The following RABGAP1L variants were observed in gnomAD, a reference collection of about 807,000 sequenced individuals.
RABGAP1L encodes RAB GTPase activating protein 1 like, also known as rab GTPase-activating protein 1-like.
Under a neutral mutation model 137.7 loss-of-function variants are expected in RABGAP1L, and 63 were observed. The ratio of observed to expected loss-of-function variants is 0.46; its 90% CI spans 0.37 to 0.56. RABGAP1L has a LOEUF of 0.56. Among genes scored for constraint, RABGAP1L ranks in the 20% least tolerant of loss-of-function variants. RABGAP1L has a pLI of 0.00. For synonymous variants in RABGAP1L, 431 were observed against 433.7 expected, an observed-to-expected ratio of 0.99 and a Z score of 0.08; for missense variants, 1,095 against 1,244.0, an observed-to-expected ratio of 0.88 and a Z score of 1.80.
intron 18 of RABGAP1L, among the ~76,000 whole-genome samples, chr1:174,785,157 C>T (rs1023517052): frequency 2.0e-5 from 3 of 152,136 alleles, no homozygotes; most frequent in African/African-American, 4.8e-5. Context: ...CTCTGCCTGC[C>T]GGGTTCAAGC....
At chr1:174,380,339 A>T (rs980334709) in intron 12 of RABGAP1L, among the ~76,000 whole-genome samples, 2 of 151,892 alleles carry the variant, frequency 1.3e-5, no homozygotes, top group Non-Finnish European at 2.9e-5. Flanking sequence ...TTTTCTATTG[A>T]TTGGAATAGT....
chr1:174,898,627 GTAA>G (rs1299929623), intron 19 of RABGAP1L, among the ~76,000 whole-genome samples: 1 of 152,166 alleles, frequency 6.6e-6, no homozygotes, highest in Non-Finnish European at 1.5e-5. Flanking sequence ...GGATAATAAA[GTAA>G]TGATGCTTGC....
At chr1:174,805,177 T>C (rs550079222) in intron 18 of RABGAP1L, among the ~76,000 whole-genome samples, 1 of 152,360 alleles carries the variant, frequency 6.6e-6, no homozygotes, top group South Asian at 2.1e-4. Context: ...TATGTCGATA[T>C]CTATTATGTG....
At chr1:174,739,047 A>C (rs1460111802) in intron 17 of RABGAP1L, among the ~76,000 whole-genome samples, 1 of 152,150 alleles carries the variant, frequency 6.6e-6, no homozygotes, top group African/African-American at 2.4e-5. Flanking sequence ...TGGCAGGAAG[A>C]TCTGTGATTT....
chr1:174,402,954 A>G (rs534726195), intron 13 of RABGAP1L, among the ~76,000 whole-genome samples: 2 of 152,256 alleles, frequency 1.3e-5, no homozygotes, highest in African/African-American at 4.8e-5. Context: ...TATGACATAT[A>G]TGGTATAGTT....
intron 10 of RABGAP1L, among the ~76,000 whole-genome samples, chr1:174,304,412 C>T (rs1183529545): frequency 1.3e-5 from 2 of 151,286 alleles, no homozygotes; most frequent in Non-Finnish European, 2.9e-5. Flanking sequence ...ATTCGATTTG[C>T]TAATATATAT....
At position 174,729,090 on chromosome 1, in the gene RABGAP1L, T is replaced by C. The variant is rs898118756; in HGVS notation, c.2170-23223T>C. Among the ~76,000 whole-genome samples, 13 of 152,178 alleles carry C rather than the reference T, an allele frequency of 8.5e-5. No homozygotes were observed. In the East Asian group the frequency reaches 1.9e-3, roughly 23 times the overall value. On this transcript the variant is annotated intron_variant, in intron 17 of 25. Coordinates refer to ENST00000681986, the MANE Select transcript of RABGAP1L (RefSeq NM_001366446.1). Reference sequence around the variant, plus strand: ...TCTTCAAATATACTGTAAGGCTATATAGTAATCAAAACAACGTGGTACTGG... The same window carrying C: ...TCTTCAAATATACTGTAAGGCTATACAGTAATCAAAACAACGTGGTACTGG...
intron 18 of RABGAP1L, among the ~76,000 whole-genome samples, chr1:174,767,458 T>C (rs985605130): frequency 6.6e-6 from 1 of 152,140 alleles, no homozygotes; most frequent in Admixed American, 6.5e-5. Context: ...CTATTGTGAA[T>C]TGAATTGTTT....
Position 174,304,993 on chromosome 1 carries a change from G to A in RABGAP1L, c.1331G>A (p.Gly444Glu). ...CTGTTATATTTTTCTCAGTCTGAGG[G>A]AAAAGGCCATACCAATGCTGGAGAT... is the stretch of plus-strand genomic sequence containing the variant. ...TFFMRLKQSEGKGHTNAGDAI... is the reference protein window; with the variant it reads ...TFFMRLKQSEEKGHTNAGDAI... The change falls in exon 11 of 26, where the codon GGA (glycine) becomes GAA (glutamate). Residue 444 changes from glycine (G) to glutamate (E), a missense_variant. By Grantham distance (98) the Gly-to-Glu change is moderately conservative. This residue lies in a region of RABGAP1L where 315 missense variants were observed against 324.8 expected (regional missense o/e 0.97). Transcript: ENST00000681986. 1 of 1,546,906 alleles carries A rather than the reference G, an allele frequency of 6.5e-7. No homozygotes were observed. The highest frequency in any genetic ancestry group is 1.3e-5 in the South Asian group (1 of 78,780).
chr1:174,623,869 C>G (rs1384125822), intron 13 of RABGAP1L, among the ~76,000 whole-genome samples: 1 of 152,162 alleles, frequency 6.6e-6, no homozygotes, highest in East Asian at 1.9e-4. Flanking sequence ...CTATTACTAG[C>G]CAGTGGCAAA....
intron 13 of RABGAP1L, among the ~76,000 whole-genome samples, chr1:174,587,274 T>C (rs1277337792): frequency 8.5e-6 from 1 of 117,218 alleles, no homozygotes; most frequent in African/African-American, 3.3e-5. Context: ...AGTAATGGGA[T>C]GGCTGGGTCA....
intron 15 of RABGAP1L, among the ~76,000 whole-genome samples, chr1:174,690,854 A>T: frequency 8.0e-6 from 1 of 125,636 alleles, no homozygotes; most frequent in Non-Finnish European, 1.6e-5. Flanking sequence ...TTTTTTTGAG[A>T]CATGGTCTCG....
At chr1:174,747,269 G>A (rs757045218) in intron 17 of RABGAP1L, among the ~76,000 whole-genome samples, 29 of 151,938 alleles carry the variant, frequency 1.9e-4, no homozygotes, top group Non-Finnish European at 4.0e-4. Flanking sequence ...CAGATATGGT[G>A]GCACACACAT....
In RABGAP1L at chr1:174,351,166, G is replaced by A. The variant is rs1413258112; in HGVS notation, c.1466-19813G>A. On this transcript the variant is annotated intron_variant, in intron 11 of 25. Coordinates refer to ENST00000681986, the MANE Select transcript of RABGAP1L (RefSeq NM_001366446.1). ...TGAAAAGTTGTAGTTATTTTTAACAGGTTCATCTTTCTACCCAAAATGTGA... is the reference window on the plus strand; with the variant it reads ...TGAAAAGTTGTAGTTATTTTTAACAAGTTCATCTTTCTACCCAAAATGTGA... 4.0e-5 allele frequency among the ~76,000 whole-genome samples: 6 copies of A among 149,636 alleles called. No homozygotes were observed. The Admixed American group carries it at 4.0e-4, about 10-fold the overall frequency.
chr1:174,857,915 G>A (rs1218090281), intron 19 of RABGAP1L, among the ~76,000 whole-genome samples: 1 of 152,150 alleles, frequency 6.6e-6, no homozygotes, highest in African/African-American at 2.4e-5. Context: ...AGATTGGTCT[G>A]AAATTATAAA....
intron 15 of RABGAP1L, among the ~76,000 whole-genome samples, chr1:174,694,661 C>T (rs758590116): frequency 0.061 from 9,263 of 151,822 alleles, 411 homozygotes; most frequent in Non-Finnish European, 0.095. Context: ...AATAAACATA[C>T]GTGTGTATGT....
At chr1:174,335,314 A>C (rs1414975767) in intron 11 of RABGAP1L, among the ~76,000 whole-genome samples, 2 of 152,246 alleles carry the variant, frequency 1.3e-5, no homozygotes, top group Non-Finnish European at 2.9e-5. Flanking sequence ...CTGTCAAAGC[A>C]AAAGTGGAAG....
chr1:174,352,309 A>C (rs549130405), intron 11 of RABGAP1L, among the ~76,000 whole-genome samples: 1 of 152,006 alleles, frequency 6.6e-6, no homozygotes, highest in African/African-American at 2.4e-5. Context: ...GCTGTCTTCA[A>C]GGTGACTAAT....
chr1:174,514,733 A>T (rs1338891102), intron 13 of RABGAP1L, among the ~76,000 whole-genome samples: 2 of 152,096 alleles, frequency 1.3e-5, no homozygotes, highest in Non-Finnish European at 2.9e-5. Flanking sequence ...AGCATATTCA[A>T]TTGCACCACA....
Sources: gnomAD v4.1 joint callset for allele counts (sites outside exome capture counted in the v4.1 genomes callset) on GRCh38, gnomAD v4.1.1 for gene constraint, gnomAD v4.1.1 regional missense constraint, MANE v1.5 for transcripts, NCBI Gene and HGNC (gene_info 2026-07-23, HGNC 2026-07-21) for gene names.